SLC6A2: variants seen among roughly 807,000 people sequenced by gnomAD.
The protein encoded by SLC6A2 is solute carrier family 6 member 2, also known as sodium-dependent noradrenaline transporter.
Under a neutral mutation model 71.7 loss-of-function variants are expected in SLC6A2, and 26 were observed. That is an observed-to-expected ratio of 0.36 (90% confidence interval 0.27 to 0.50). The LOEUF (loss-of-function observed/expected upper bound fraction) is 0.50, where lower values mean the gene tolerates loss of function less well. Ranked by LOEUF, SLC6A2 falls within the 20% of genes least tolerant of loss-of-function variation. The pLI is 0.96. For missense variants in SLC6A2, 581 were observed against 803.9 expected (o/e 0.72, Z 3.35); for synonymous variants, 363 against 337.9 (o/e 1.07, Z -0.82).
chr16:55,691,192 T>C (rs1359805124), intron 5 of SLC6A2, among the ~76,000 whole-genome samples: 1 of 95,626 alleles, frequency 1.0e-5, no homozygotes, highest in African/African-American at 4.2e-5. Context: ...GGAGGGAGGA[T>C]GGGAAGAGAG....
At chr16:55,684,779 T>A (rs967775721) in intron 4 of SLC6A2, among the ~76,000 whole-genome samples, 2 of 152,212 alleles carry the variant, frequency 1.3e-5, no homozygotes, top group Admixed American at 6.5e-5. Flanking sequence ...CAGTCTTCCC[T>A]CCTGCTGAGA....
Position 55,703,350 on chromosome 16 carries a change from A to G in SLC6A2, c.*1004A>G. Reference sequence around the variant, plus strand: ...TAATTTATTGTTCTTGCACACCTGCACAGCCTCCCTCTGGGGATCCCACCT... The same window carrying G: ...TAATTTATTGTTCTTGCACACCTGCGCAGCCTCCCTCTGGGGATCCCACCT... On this transcript the variant is annotated 3_prime_UTR_variant, in exon 15 of 15. Coordinates refer to ENST00000568943, the MANE Select transcript of SLC6A2 (RefSeq NM_001172501.3). 2 of 985,470 alleles carry G rather than the reference A, an allele frequency of 2.0e-6. No homozygotes were observed. Among genetic ancestry groups the G allele is most frequent in the Non-Finnish European group, 2.4e-6 (2 of 829,956 alleles). 61.0% of individuals were successfully genotyped at this position (985,470 alleles called of 1,614,324 possible).
intron 2 of SLC6A2, among the ~76,000 whole-genome samples, chr16:55,659,917 T>C (rs1964564679): frequency 6.6e-6 from 1 of 152,226 alleles, no homozygotes; most frequent in Non-Finnish European, 1.5e-5. Context: ...AGAACATTGT[T>C]GTGGGGACCA....
intron 9 of SLC6A2, among the ~76,000 whole-genome samples, chr16:55,696,549 G>A (rs1965805587): frequency 6.6e-6 from 1 of 152,210 alleles, no homozygotes; most frequent in Non-Finnish European, 1.5e-5. Flanking sequence ...GAACCCCTTT[G>A]ACATCTTGGA....
rs1251230283 is a variant in SLC6A2, at chr16:55,702,755, A to AAC, written c.*410_*411insCA. 2 of 1,052,700 alleles carry AAC rather than the reference A, an allele frequency of 1.9e-6. No homozygotes were observed. Among genetic ancestry groups the AAC allele is most frequent in the South Asian group, 3.6e-5 (1 of 28,094 alleles). 65.2% of individuals were successfully genotyped at this position (1,052,700 alleles called of 1,614,324 possible). ...TGATCAGATACCCCTCCCAAAAAAA[A>AAC]AAAAAACTAAAACTAAAGCAAAAAT... On this transcript the variant is annotated 3_prime_UTR_variant, in exon 15 of 15. Transcript: ENST00000568943.
chr16:55,677,653 T>G (rs1965133769), intron 4 of SLC6A2, among the ~76,000 whole-genome samples: 1 of 139,992 alleles, frequency 7.1e-6, no homozygotes, highest in African/African-American at 2.6e-5. Context: ...TAGAACTGAA[T>G]GCAGAGTTGT....
At position 55,694,114 on chromosome 16, in the gene SLC6A2, G is replaced by GT. The variant is rs748440920; in HGVS notation, c.1022+2dup. The GT allele has an allele frequency of 6.4e-7, 1 of 1,557,170 alleles. No homozygotes were observed. The highest frequency in any genetic ancestry group is 1.1e-5 in the South Asian group (1 of 89,894). On this transcript the variant is annotated splice_donor_variant, in intron 7 of 14. Coordinates refer to ENST00000568943, the MANE Select transcript of SLC6A2 (RefSeq NM_001172501.3). LOFTEE classifies it high-confidence loss of function. ...ACAAATTTGACAACAACTGTTACAG[G>GT]TAAGATTCTTCTCAGAATTCTGAGA...
intron 6 of SLC6A2, 99 bp from the exon 7 acceptor site, chr16:55,693,911 T>G (rs1216025908): frequency 6.0e-6 from 5 of 839,454 alleles, no homozygotes; most frequent in African/African-American, 1.7e-5. Flanking sequence ...TTTCCTCTGG[T>G]CTCAGAGCAT....
chr16:55,664,626 G>A (rs1964698381), intron 2 of SLC6A2, among the ~76,000 whole-genome samples: 1 of 152,184 alleles, frequency 6.6e-6, no homozygotes, highest in Admixed American at 6.5e-5. Flanking sequence ...CCCACTAAGT[G>A]CCTGGCACTT....
chr16:55,689,966 C>T (rs1965564674), intron 5 of SLC6A2, among the ~76,000 whole-genome samples: 1 of 152,194 alleles, frequency 6.6e-6, no homozygotes. Context: ...CCATGCTGAC[C>T]CAGTTACTCA....
In SLC6A2 at chr16:55,705,583, C is replaced by T. The variant is rs1321843254; in HGVS notation, c.*3237C>T. The T allele has an allele frequency of 7.1e-6, 2 of 280,172 alleles. No homozygotes were observed. The highest frequency in any genetic ancestry group is 4.3e-5 in the African/African-American group (2 of 46,004). 17.4% of individuals were successfully genotyped at this position (280,172 alleles called of 1,614,324 possible). A position where few individuals can be genotyped will look rare whatever the true frequency, so the allele number is the denominator to read the frequency against. On this transcript the variant is annotated 3_prime_UTR_variant, in exon 15 of 15. Transcript: ENST00000568943. ...GGGATAGTGGCTTCATCTTTTGGGG[C>T]TTCAAGATTCTTTGTCTTTAAAATC...
In SLC6A2 at chr16:55,702,537, G is replaced by A; in HGVS notation, c.*191G>A. ...TTCACCTTCTGTGCATCTGGCCTGG[G>A]GGCTGTTAGCTCAGAGGAGAGGAGC... On this transcript the variant is annotated 3_prime_UTR_variant, in exon 15 of 15. Transcript: ENST00000568943. The A allele has an allele frequency of 4.7e-6, 7 of 1,497,008 alleles. No homozygotes were observed. The highest frequency in any genetic ancestry group is 6.2e-6 in the Non-Finnish European group (7 of 1,120,798). The allele number at this position is 1,497,008 out of a possible 1,614,324, so 92.7% of individuals were successfully genotyped here. A position where few individuals can be genotyped will look rare whatever the true frequency, so the allele number is the denominator to read the frequency against.
Position 55,696,286 on chromosome 16 carries a change from C to T in SLC6A2, c.1209C>T (p.Phe403=), listed in dbSNP as rs568230860. 5 of 1,613,922 alleles carry T rather than the reference C, an allele frequency of 3.1e-6. No homozygotes were observed. In the South Asian group the frequency reaches 4.4e-5, roughly 14 times the overall value. ...TTTCTACCCTGTCTGGATCTACATTCTGGGCTGTTGTGTTTTTCGTCATGC... is the reference window on the plus strand; with the variant it reads ...TTTCTACCCTGTCTGGATCTACATTTTGGGCTGTTGTGTTTTTCGTCATGC... ...EAISTLSGST[F]WAVVFFVMLL... Residue 403 remains phenylalanine, a synonymous_variant, in exon 9 of 15, where the codon TTC becomes TTT. Coordinates refer to ENST00000568943, the MANE Select transcript of SLC6A2 (RefSeq NM_001172501.3).
intron 3 of SLC6A2, 169 bp from the exon 4 acceptor site, chr16:55,671,769 A>C (rs375773437): frequency 7.1e-7 from 1 of 1,409,298 alleles, no homozygotes. Flanking sequence ...CTGTGGAAAA[A>C]TTGTCTTCCA....
intron 3 of SLC6A2, among the ~76,000 whole-genome samples, chr16:55,671,292 A>AG (rs1964902860): frequency 6.6e-6 from 1 of 152,134 alleles, no homozygotes; most frequent in Non-Finnish European, 1.5e-5. Context: ...TATCCTGCCC[A>AG]GGGGGCGAGG....
chr16:55,659,301 A>G (rs1484619683), intron 2 of SLC6A2, among the ~76,000 whole-genome samples: 1 of 152,222 alleles, frequency 6.6e-6, no homozygotes, highest in Non-Finnish European at 1.5e-5. Context: ...CAAGTCAGCT[A>G]GATGGATATT....
chr16:55,663,929 G>A (rs1964678048), intron 2 of SLC6A2, among the ~76,000 whole-genome samples: 1 of 152,158 alleles, frequency 6.6e-6, no homozygotes, highest in African/African-American at 2.4e-5. Context: ...GGCCCTGGGG[G>A]AAGGAATGCT....
chr16:55,702,240 T>TACC (rs1965994219), intron 14 of SLC6A2, 83 bp from the exon 15 acceptor site: 1 of 1,345,438 alleles, frequency 7.4e-7, no homozygotes, highest in Non-Finnish European at 1.1e-6. Context: ...GCCTTCTCTC[T>TACC]ACCTCCTGCT....
At position 55,705,339 on chromosome 16, in the gene SLC6A2, C is replaced by G; in HGVS notation, c.*2993C>G. The G allele has an allele frequency of 9.1e-7, 1 of 1,097,102 alleles. No individual in the cohort carries two copies. The highest frequency in any genetic ancestry group is 1.3e-6 in the Non-Finnish European group (1 of 760,972). The allele number at this position is 1,097,102 out of a possible 1,614,324, so 68.0% of individuals were successfully genotyped here. ...CCGCTCAGCTGGGAGCCAGTTCCTG[C>G]TATATGATCTGTTTTCTAGCCTCGC... On this transcript the variant is annotated 3_prime_UTR_variant, in exon 15 of 15. Coordinates refer to ENST00000568943, the MANE Select transcript of SLC6A2 (RefSeq NM_001172501.3).
Sources: allele counts gnomAD v4.1 joint callset (sites outside exome capture counted in the v4.1 genomes callset), GRCh38; gene constraint gnomAD v4.1.1; transcripts MANE v1.5; gene names NCBI Gene and HGNC (gene_info 2026-07-23, HGNC 2026-07-21).